AJAP1: variants seen among roughly 807,000 people sequenced by gnomAD.
AJAP1 encodes adherens junctions associated protein 1, also known as adherens junction-associated protein 1.
AJAP1 carries 5 observed loss-of-function variants against 35.0 expected under a neutral mutation model. That is an observed-to-expected ratio of 0.14 (90% confidence interval 0.07 to 0.30). The LOEUF is 0.30. Among genes scored for constraint, AJAP1 ranks in the 10% least tolerant of loss-of-function variants. The pLI, the probability that AJAP1 is intolerant of heterozygous loss-of-function variation, is 1.00. For synonymous variants in AJAP1, 284 were observed against 249.3 expected, an observed-to-expected ratio of 1.14 and a Z score of -1.31; for missense variants, 586 against 571.0, an observed-to-expected ratio of 1.03 and a Z score of -0.27.
chr1:4,695,450 A>T (rs1639837687), intron 1 of AJAP1, among the ~76,000 whole-genome samples: 1 of 152,080 alleles, frequency 6.6e-6, no homozygotes, highest in South Asian at 2.1e-4. Context: ...CGTGCTTGTG[A>T]GTGTTCCCTG....
chr1:4,722,951 T>C (rs2100285138), intron 2 of AJAP1, among the ~76,000 whole-genome samples: 1 of 152,210 alleles, frequency 6.6e-6, no homozygotes, highest in African/African-American at 2.4e-5. Context: ...CTGAGTATGC[T>C]GGGGCTCATG....
chr1:4,697,399 C>G (rs1173088875), intron 1 of AJAP1, among the ~76,000 whole-genome samples: 1 of 152,250 alleles, frequency 6.6e-6, no homozygotes, highest in South Asian at 2.1e-4. Context: ...CCCTGGCCAG[C>G]ATTTTTCAGT....
chr1:4,654,931 C>A lies in AJAP1; in HGVS notation c.-495C>A, dbSNP rs953526811. The A allele has an allele frequency of 6.7e-6, 1 of 149,538 alleles. No homozygotes were observed. Among genetic ancestry groups the A allele is most frequent in the Admixed American group, 6.6e-5 (1 of 15,084 alleles). 9.3% of individuals were successfully genotyped at this position (149,538 alleles called of 1,614,324 possible). On this transcript the variant is annotated 5_prime_UTR_variant, in exon 1 of 6. Coordinates refer to ENST00000378191, the MANE Select transcript of AJAP1 (RefSeq NM_018836.4). The surrounding 1 kb of genome is among the most constrained non-coding windows in gnomAD (Gnocchi z 5.1). ...AGGGGACTCGCGTCCGTCCGCGTCG[C>A]GTCACCCCAAACCCTAAGCAGCGCC...
intron 1 of AJAP1, among the ~76,000 whole-genome samples, chr1:4,708,789 C>G (rs960734957): frequency 6.6e-6 from 1 of 152,198 alleles, no homozygotes; most frequent in Non-Finnish European, 1.5e-5. Context: ...GGCCCCTACA[C>G]GTCTTCCTAT....
At chr1:4,749,405 T>A (rs1354215154) in intron 2 of AJAP1, among the ~76,000 whole-genome samples, 1 of 152,162 alleles carries the variant, frequency 6.6e-6, no homozygotes, top group African/African-American at 2.4e-5. Context: ...CTGTCACCCA[T>A]GGGGTTTCTG....
chr1:4,670,614 T>A (rs1639230114), intron 1 of AJAP1, among the ~76,000 whole-genome samples: 1 of 152,182 alleles, frequency 6.6e-6, no homozygotes, highest in African/African-American at 2.4e-5. Context: ...CTGCCTAGGC[T>A]CCTGCTGGAT....
intron 1 of AJAP1, among the ~76,000 whole-genome samples, chr1:4,703,069 T>C (rs1640024499): frequency 6.6e-6 from 1 of 152,136 alleles, no homozygotes. Context: ...GGGCCTGTGA[T>C]GATGAAAGCC....
Position 4,785,370 on chromosome 1 carries a change from TG to T in AJAP1, c.*2886del, listed in dbSNP as rs1419425130. 1 of 152,196 alleles carries T rather than the reference TG, an allele frequency of 6.6e-6. No homozygotes were observed. The highest frequency in any genetic ancestry group is 1.5e-5 in the Non-Finnish European group (1 of 68,046). The allele number at this position is 152,196 out of a possible 1,614,324, so 9.4% of individuals were successfully genotyped here. A position where few individuals can be genotyped will look rare whatever the true frequency, so the allele number is the denominator to read the frequency against. On this transcript the variant is annotated 3_prime_UTR_variant, in exon 6 of 6. Coordinates refer to ENST00000378191, the MANE Select transcript of AJAP1 (RefSeq NM_018836.4). ...CGTCAAGGTAAATCCACACAAAGGC[TG>T]CTATTTCTGGATGATTGAGGCAGTG...
chr1:4,689,199 G>T (rs915243411), intron 1 of AJAP1, among the ~76,000 whole-genome samples: 1 of 152,112 alleles, frequency 6.6e-6, no homozygotes, highest in African/African-American at 2.4e-5. Context: ...CGACGTCCTC[G>T]CCCCAAAAGA....
At chr1:4,740,059 G>A (rs777022068) in intron 2 of AJAP1, among the ~76,000 whole-genome samples, 11 of 152,084 alleles carry the variant, frequency 7.2e-5, no homozygotes, top group Non-Finnish European at 1.5e-4. Flanking sequence ...AGAGATGTGC[G>A]CATACCCATG....
chr1:4,687,220 C>T (rs980268964), intron 1 of AJAP1, among the ~76,000 whole-genome samples: 12 of 152,282 alleles, frequency 7.9e-5, no homozygotes, highest in Middle Eastern at 3.4e-3. Context: ...AGGACCTGAA[C>T]GCCTCTCGAA....
chr1:4,734,252 G>A lies in AJAP1; in HGVS notation c.829+21553G>A, dbSNP rs549012688. Among the ~76,000 whole-genome samples, 5 of 152,176 alleles carry A rather than the reference G, an allele frequency of 3.3e-5. No individual in the cohort carries two copies. The highest frequency in any genetic ancestry group is 7.3e-5 in the Non-Finnish European group (5 of 68,038). ...TCAGCTGAGCCCCGGAATAGGAAGGGCCTGCCCTACTGAGCCTCCTGCCTC... is the reference window on the plus strand; with the variant it reads ...TCAGCTGAGCCCCGGAATAGGAAGGACCTGCCCTACTGAGCCTCCTGCCTC... On this transcript the variant is annotated intron_variant, in intron 2 of 5. Coordinates refer to ENST00000378191, the MANE Select transcript of AJAP1 (RefSeq NM_018836.4). This position sits in a 1 kb window ranked among gnomAD's most constrained non-coding sequence, Gnocchi z 4.3.
In AJAP1 at chr1:4,684,250, C is replaced by T. The variant is rs375923667; in HGVS notation, c.30-27650C>T. On this transcript the variant is annotated intron_variant, in intron 1 of 5. Coordinates refer to ENST00000378191, the MANE Select transcript of AJAP1 (RefSeq NM_018836.4). ...CTGTTAACACGCTGATAATTTTACT[C>T]GGTGGAAACCATGTTCATTCCATTG... 5.2e-4 allele frequency among the ~76,000 whole-genome samples: 79 copies of T among 152,300 alleles called. 2 individuals carry two copies. Among genetic ancestry groups the T allele is most frequent in the African/African-American group, 3.1e-4 (13 of 41,572 alleles).
intron 1 of AJAP1, among the ~76,000 whole-genome samples, chr1:4,663,474 A>G (rs931387853): frequency 4.6e-5 from 7 of 152,160 alleles, no homozygotes; most frequent in African/African-American, 1.7e-4. Flanking sequence ...ACTTGGAAGA[A>G]CCCAACTGCA....
intron 2 of AJAP1, among the ~76,000 whole-genome samples, chr1:4,746,944 C>T (rs555065086): frequency 2.0e-5 from 3 of 152,298 alleles, no homozygotes; most frequent in South Asian, 4.1e-4. Flanking sequence ...TTGATAGGAG[C>T]GCCAAGGTAA....
At chr1:4,697,916 C>T (rs1358736719) in intron 1 of AJAP1, among the ~76,000 whole-genome samples, 1 of 152,198 alleles carries the variant, frequency 6.6e-6, no homozygotes, top group East Asian at 1.9e-4. Context: ...GCCAAGGGGA[C>T]CGCTAAGTCC....
At position 4,656,494 on chromosome 1, in the gene AJAP1, C is replaced by T. The variant is rs911507624; in HGVS notation, c.29+1040C>T. On this transcript the variant is annotated intron_variant, in intron 1 of 5. Transcript: ENST00000378191. The surrounding 1 kb of genome is among the most constrained non-coding windows in gnomAD (Gnocchi z 5.7). ...ATGCACTGCGCTCCCGCGTTGGGGA[C>T]GAAAAGGCCAGTAGTTGTTAGCCCG... is the stretch of plus-strand genomic sequence containing the variant. 6.6e-6 allele frequency among the ~76,000 whole-genome samples: 1 copy of T among 152,182 alleles called. No individual in the cohort carries two copies. The highest frequency in any genetic ancestry group is 2.4e-5 in the African/African-American group (1 of 41,444).
chr1:4,777,010 G>C (rs563825993), intron 5 of AJAP1, among the ~76,000 whole-genome samples: 2 of 152,322 alleles, frequency 1.3e-5, no homozygotes, highest in African/African-American at 4.8e-5. Context: ...ACACAGCCTC[G>C]TTAGTCCTTG....
At chr1:4,774,291 C>T in intron 4 of AJAP1, 136 bp from the exon 5 acceptor site, 1 of 752,776 alleles carries the variant, frequency 1.3e-6, no homozygotes, top group African/African-American at 1.7e-5. Context: ...TGGTCCCTTC[C>T]TGGCAAGGCC....
Sources: gnomAD v4.1 joint callset for allele counts (sites outside exome capture counted in the v4.1 genomes callset) on GRCh38, gnomAD v4.1.1 for gene constraint, Gnocchi (gnomAD v3.1) non-coding constraint, MANE v1.5 for transcripts, NCBI Gene and HGNC (gene_info 2026-07-23, HGNC 2026-07-21) for gene names.